The following TP73 variants were observed in gnomAD, a reference collection of about 807,000 sequenced individuals.
TP73 encodes the protein p53-like transcription factor.
In TP73, 25 loss-of-function variants were observed where a neutral mutation model predicts 62.5. The ratio of observed to expected loss-of-function variants is 0.40; its 90% CI spans 0.29 to 0.56. The LOEUF is 0.56. Ranked by LOEUF, TP73 falls within the 20% of genes least tolerant of loss-of-function variation. TP73 has a pLI of 0.46. For missense variants in TP73, 754 were observed against 913.3 expected (o/e 0.83, Z 2.25); for synonymous variants, 423 against 377.5 (o/e 1.12, Z -1.40).
At chr1:3,719,959 A>T (rs1432773235) in intron 4 of TP73, among the ~76,000 whole-genome samples, 2 of 144,912 alleles carry the variant, frequency 1.4e-5, no homozygotes, top group Non-Finnish European at 3.0e-5. Flanking sequence ...TTTGTCACCC[A>T]GGCTGGAGTG....
At position 3,730,069 on chromosome 1, in the gene TP73, C is replaced by A. The variant is rs377263998; in HGVS notation, c.1266C>A (p.Asn422Lys). ...TGAACAAGGTGCACGGGGGCATGAA[C>A]AAGCTGCCCTCCGTCAACCAGCTGG... ...SPMNKVHGGM[N>K]KLPSVNQLVG... Residue 422 changes from asparagine to lysine, a missense_variant, in exon 11 of 14, where the codon AAC (asparagine) becomes AAA (lysine). Transcript: ENST00000378295. 1 of 1,604,720 alleles carries A rather than the reference C, an allele frequency of 6.2e-7. No homozygotes were observed. Among genetic ancestry groups the A allele is most frequent in the Non-Finnish European group, 8.5e-7 (1 of 1,176,380 alleles).
chr1:3,653,220 C>T (rs1009367941), intron 1 of TP73, among the ~76,000 whole-genome samples: 7 of 152,242 alleles, frequency 4.6e-5, no homozygotes, highest in Non-Finnish European at 8.8e-5. Context: ...CGAGGGACAG[C>T]TCCCTGTGGC....
At chr1:3,700,657 TG>T in intron 3 of TP73, among the ~76,000 whole-genome samples, 1 of 152,008 alleles carries the variant, frequency 6.6e-6, no homozygotes, top group Non-Finnish European at 1.5e-5. Context: ...AATTAGCGTC[TG>T]TAATCCCAGC....
intron 1 of TP73, among the ~76,000 whole-genome samples, chr1:3,669,924 G>A (rs78218373): frequency 0.041 from 6,302 of 152,288 alleles, 417 homozygotes; most frequent in African/African-American, 0.14. Flanking sequence ...GTGTGTCCAT[G>A]TGCATGTATG....
chr1:3,679,886 T>G (rs566658675), intron 1 of TP73, among the ~76,000 whole-genome samples: 1 of 151,994 alleles, frequency 6.6e-6, no homozygotes, highest in African/African-American at 2.4e-5. Context: ...TGCCTTTGTC[T>G]CTCTCCGTCT....
rs747465762 is a variant in TP73 at position 3,729,392 on chromosome 1, G to T, written c.1140G>T (p.Leu380Phe). 6.8e-6 allele frequency: 11 copies of T among 1,613,160 alleles called. No individual in the cohort carries two copies. Among genetic ancestry groups the T allele is most frequent in the Non-Finnish European group, 9.3e-6 (11 of 1,179,996 alleles). The change falls in exon 10 of 14, where the codon TTG becomes TTT. Residue 380 changes from leucine (L) to phenylalanine (F), a missense_variant. Physicochemically the swap from Leu to Phe is conservative, Grantham distance 22 (BLOSUM62 0). Around this residue, in one of 3 missense-constraint regions of TP73, gnomAD observed 458 missense variants for 528.7 expected, o/e 0.87. Coordinates refer to ENST00000378295, the MANE Select transcript of TP73 (RefSeq NM_005427.4). ...KLKESLELME[L>F]VPQPLVDSYR... ...AAGAGAGCCTGGAGCTGATGGAGTT[G>T]GTGCCGCAGCCACTGGTGGACTCCT...
chr1:3,669,078 C>A (rs1645183897), intron 1 of TP73, among the ~76,000 whole-genome samples: 1 of 152,274 alleles, frequency 6.6e-6, no homozygotes, highest in Non-Finnish European at 1.5e-5. Flanking sequence ...AGGGACGCTG[C>A]TGCCACCGCC....
chr1:3,687,688 C>G (rs1369504930), intron 3 of TP73, among the ~76,000 whole-genome samples: 4 of 152,054 alleles, frequency 2.6e-5, no homozygotes, highest in Non-Finnish European at 1.5e-5. Flanking sequence ...CCACTCTGCT[C>G]CGCTCCCGTC....
chr1:3,681,246 C>T (rs1220427360), intron 1 of TP73, among the ~76,000 whole-genome samples: 1 of 152,234 alleles, frequency 6.6e-6, no homozygotes, highest in African/African-American at 2.4e-5. Flanking sequence ...GGCCTGCCTG[C>T]CTGAGCATTG....
intron 1 of TP73, among the ~76,000 whole-genome samples, chr1:3,659,928 C>T (rs2102007595): frequency 6.6e-6 from 1 of 152,326 alleles, no homozygotes; most frequent in Admixed American, 6.5e-5. Context: ...GATCCACCCA[C>T]TTCGGCCTCC....
chr1:3,729,893 A>G (rs1641993743), intron 10 of TP73, 107 bp from the exon 11 acceptor site: 3 of 1,418,448 alleles, frequency 2.1e-6, no homozygotes, highest in Non-Finnish European at 2.8e-6. Flanking sequence ...ACTCTCTGAC[A>G]TCAGAGGCTC....
chr1:3,652,931 A>C (rs1486751751), intron 1 of TP73, among the ~76,000 whole-genome samples: 2 of 151,924 alleles, frequency 1.3e-5, no homozygotes, highest in Admixed American at 1.3e-4. Context: ...GGGTTCCGGG[A>C]GGGCCCTCCT....
chr1:3,705,194 T>A (rs1373708022), intron 3 of TP73, among the ~76,000 whole-genome samples: 1 of 152,234 alleles, frequency 6.6e-6, no homozygotes, highest in Non-Finnish European at 1.5e-5. Context: ...CCCCCCGTGA[T>A]GTTTTTAAGC....
rs531900406 is a variant in TP73, at chr1:3,691,650, G to A, written c.186+8470G>A. Among the ~76,000 whole-genome samples, 27 of 152,288 alleles carry A rather than the reference G, an allele frequency of 1.8e-4. 1 individual carries two copies. In the South Asian group the frequency reaches 4.8e-3, roughly 27 times the overall value. ...ACTTCCAGACTTGCCAGGTCCCTGG[G>A]GGCCAGGCAGGCACCAGCTGCTAAT... On this transcript the variant is annotated intron_variant, in intron 3 of 13. Transcript: ENST00000378295.
intron 3 of TP73, among the ~76,000 whole-genome samples, chr1:3,683,599 G>T (rs953018045): frequency 5.9e-5 from 9 of 152,218 alleles, no homozygotes; most frequent in African/African-American, 2.2e-4. Flanking sequence ...CAGTCTCTTG[G>T]TCTGCTTTCC....
intron 4 of TP73, among the ~76,000 whole-genome samples, chr1:3,713,700 C>T (rs1305456800): frequency 2.6e-5 from 4 of 152,184 alleles, no homozygotes; most frequent in Admixed American, 6.5e-5. Context: ...GTCCCTTTTC[C>T]GAGGAGCCTC....
chr1:3,698,015 G>C (rs1028189379), intron 3 of TP73: 2 of 942,454 alleles, frequency 2.1e-6, no homozygotes, highest in Admixed American at 6.2e-5. Context: ...TCAAGTTCTC[G>C]GCTCAGCCAC....
chr1:3,727,196 C>G lies in TP73; in HGVS notation c.814C>G (p.Leu272Val), dbSNP rs771944507. Residue 272 changes from leucine (L) to valine (V), a missense_variant, in exon 7 of 14, where the codon CTC (leucine) becomes GTC (valine). Leu to Val is a conservative substitution (Grantham distance 32). This residue lies in a region of TP73 where 458 missense variants were observed against 528.7 expected (regional missense o/e 0.87). Transcript: ENST00000378295. ...CVGGMNRRPI[L>V]IIITLEMRDG... Reference sequence around the variant, plus strand: ...AGGGGGCATGAACCGGCGGCCCATCCTCATCATCATCACCCTGGAGATGCG... The same window carrying G: ...AGGGGGCATGAACCGGCGGCCCATCGTCATCATCATCACCCTGGAGATGCG... The G allele has an allele frequency of 1.2e-6, 2 of 1,612,174 alleles. 1 individual carries two copies. Among genetic ancestry groups the G allele is most frequent in the Non-Finnish European group, 1.7e-6 (2 of 1,179,576 alleles).
chr1:3,721,793 A>G (rs766271810), intron 4 of TP73, among the ~76,000 whole-genome samples: 4 of 152,152 alleles, frequency 2.6e-5, no homozygotes, highest in Non-Finnish European at 4.4e-5. Context: ...CATGGAGCCC[A>G]AATGACCCGA....
Sources: allele counts gnomAD v4.1 joint callset (sites outside exome capture counted in the v4.1 genomes callset), GRCh38; gene constraint gnomAD v4.1.1; regional missense constraint gnomAD v4.1.1; transcripts MANE v1.5; gene names NCBI Gene and HGNC (gene_info 2026-07-23, HGNC 2026-07-21).